The following EEIG2 variants were observed in gnomAD, a reference collection of about 807,000 sequenced individuals.
EEIG2 encodes EEIG family member 2.
chr1:108,574,235 A>G, the EEIG2 span, among the ~76,000 whole-genome samples: 1 of 151,404 alleles, frequency 6.6e-6, no homozygotes, highest in Non-Finnish European at 1.5e-5. Context: ...CATTGAGGAC[A>G]TTATGCTAAA....
At chr1:108,605,982 T>G in the EEIG2 span, among the ~76,000 whole-genome samples, 1 of 152,184 alleles carries the variant, frequency 6.6e-6, no homozygotes, top group Admixed American at 6.5e-5. Context: ...AGCAAATAGA[T>G]AAAATATTAG....
chr1:108,601,939 C>T, the EEIG2 span, among the ~76,000 whole-genome samples: 5 of 152,090 alleles, frequency 3.3e-5, no homozygotes, highest in Non-Finnish European at 7.4e-5. Context: ...AGTTCCTGCC[C>T]CCAGGGACTT....
At chr1:108,595,422 AGAG>A in the EEIG2 span, among the ~76,000 whole-genome samples, 1 of 127,130 alleles carries the variant, frequency 7.9e-6, no homozygotes, top group Non-Finnish European at 1.6e-5. Context: ...ACAGAGGGAG[AGAG>A]GAGGAAAGGA....
At chr1:108,629,957 A>T in the EEIG2 span, 2 of 346,308 alleles carry the variant, frequency 5.8e-6, no homozygotes, top group East Asian at 1.4e-4. Context: ...CTTAGAAAAG[A>T]GTTCTTAGTC....
At chr1:108,603,881 C>A in the EEIG2 span, among the ~76,000 whole-genome samples, 1 of 152,058 alleles carries the variant, frequency 6.6e-6, no homozygotes, top group African/African-American at 2.4e-5. Flanking sequence ...AGCAGGTTTA[C>A]CATAACTGAA....
chr1:108,600,788 C>A, the EEIG2 span: 1 of 1,245,276 alleles, frequency 8.0e-7, no homozygotes, highest in South Asian at 1.7e-5. Flanking sequence ...TTCATTAGAA[C>A]TGTATATGCA....
the EEIG2 span, among the ~76,000 whole-genome samples, chr1:108,600,381 T>G: frequency 6.6e-6 from 1 of 152,302 alleles, no homozygotes; most frequent in African/African-American, 2.4e-5. Flanking sequence ...AGTGGATAAT[T>G]AAAACCTTCC....
At chr1:108,594,382 G>A in the EEIG2 span, among the ~76,000 whole-genome samples, 1 of 152,174 alleles carries the variant, frequency 6.6e-6, no homozygotes, top group Non-Finnish European at 1.5e-5. Flanking sequence ...ATTGTGCGGG[G>A]TAGAAGCCTG....
At chr1:108,609,339 A>G in the EEIG2 span, among the ~76,000 whole-genome samples, 147,879 of 152,274 alleles carry the variant, frequency 0.97, 71,945 homozygotes, top group Non-Finnish European at 1. Context: ...TCGTTGGAGG[A>G]ACAGACAATA....
At chr1:108,620,603 G>A in the EEIG2 span, among the ~76,000 whole-genome samples, 1,223 of 152,244 alleles carry the variant, frequency 8.0e-3, 15 homozygotes, top group African/African-American at 0.028. Context: ...GTTCTGACGC[G>A]TTCATATTCC....
chr1:108,623,844 G>A, the EEIG2 span, among the ~76,000 whole-genome samples: 1 of 151,832 alleles, frequency 6.6e-6, no homozygotes, highest in Admixed American at 6.6e-5. Context: ...TCTAATTTTT[G>A]TATTTTTAGT....
the EEIG2 span, among the ~76,000 whole-genome samples, chr1:108,605,296 C>G: frequency 6.6e-6 from 1 of 152,062 alleles, no homozygotes; most frequent in Non-Finnish European, 1.5e-5. Flanking sequence ...AATGTGATCA[C>G]TCATAATGGG....
the EEIG2 span, among the ~76,000 whole-genome samples, chr1:108,568,038 A>G: frequency 6.6e-6 from 1 of 151,944 alleles, no homozygotes; most frequent in South Asian, 2.1e-4. Context: ...GAAAAATGGT[A>G]CTCATGCCAC....
chr1:108,575,051 T>A, the EEIG2 span, among the ~76,000 whole-genome samples: 8 of 152,218 alleles, frequency 5.3e-5, no homozygotes, highest in Admixed American at 2.0e-4. Context: ...TTGATTTTTA[T>A]TTAACAGTTT....
the EEIG2 span, chr1:108,600,476 G>A: frequency 7.1e-7 from 1 of 1,414,116 alleles, no homozygotes; most frequent in Non-Finnish European, 9.7e-7. Context: ...CATTACTTTT[G>A]CATGTTAGAC....
the EEIG2 span, among the ~76,000 whole-genome samples, chr1:108,585,839 T>G: frequency 2.6e-5 from 4 of 152,128 alleles, no homozygotes; most frequent in Non-Finnish European, 5.9e-5. Flanking sequence ...GGCCATGTCG[T>G]TGGCTCATTT....
chr1:108,609,436 A>G, the EEIG2 span, among the ~76,000 whole-genome samples: 1 of 152,190 alleles, frequency 6.6e-6, no homozygotes, highest in East Asian at 1.9e-4. Context: ...GGCGGTAACT[A>G]CAAGGTAAGG....
chr1:108,589,565 C>T, the EEIG2 span, among the ~76,000 whole-genome samples: 2 of 151,920 alleles, frequency 1.3e-5, no homozygotes, highest in Admixed American at 6.6e-5. Context: ...AAAGGTTTTC[C>T]CCTTGGCTTT....
the EEIG2 span, among the ~76,000 whole-genome samples, chr1:108,566,005 AC>A: frequency 6.6e-6 from 1 of 152,132 alleles, no homozygotes; most frequent in Non-Finnish European, 1.5e-5. Context: ...CTGTACACAT[AC>A]ATGTATGACC....
Sources: gnomAD v4.1 joint callset for allele counts (sites outside exome capture counted in the v4.1 genomes callset) on GRCh38, gnomAD v4.1.1 for gene constraint, MANE v1.5 for transcripts, NCBI Gene and HGNC (gene_info 2026-07-23, HGNC 2026-07-21) for gene names.